RUBCNL: variants seen among roughly 807,000 people sequenced by gnomAD.
RUBCNL encodes protein associated with UVRAG as autophagy enhancer.
A neutral mutation model predicts 69.5 loss-of-function variants in RUBCNL; 62 were observed. The ratio of observed to expected loss-of-function variants is 0.89; its 90% confidence interval spans 0.73 to 1.10. The LOEUF (loss-of-function observed/expected upper bound fraction) is 1.10, where lower values mean the gene tolerates loss of function less well. Ranked by LOEUF, RUBCNL falls within the 50% of genes least tolerant of loss-of-function variation. The pLI, the probability that RUBCNL is intolerant of heterozygous loss-of-function variation, is 0.00. For synonymous variants in RUBCNL, 291 were observed against 303.6 expected (o/e 0.96, Z 0.43); for missense variants, 768 against 798.1 (o/e 0.96, Z 0.45).
rs2048116241 is a variant in RUBCNL, at chr13:46,338,169, C to T, written c.*5216G>A. ...CAGAGCCCATGCAAGAGTACAAATA[C>T]AGGTCCACATGCCATATATCCAAGT... On this transcript the variant is annotated 3_prime_UTR_variant, in exon 15 of 15. Coordinates refer to ENST00000429979, the MANE Select transcript of RUBCNL (RefSeq NM_025113.5). 6.6e-6 allele frequency among the ~76,000 whole-genome samples: 1 copy of T among 152,212 alleles called. No individual in the cohort carries two copies. The highest frequency in any genetic ancestry group is 2.4e-5 in the African/African-American group (1 of 41,456).
chr13:46,382,749 C>T (rs1297540536), intron 1 of RUBCNL, among the ~76,000 whole-genome samples: 1 of 151,996 alleles, frequency 6.6e-6, no homozygotes, highest in Non-Finnish European at 1.5e-5. Flanking sequence ...GTTGGCCAGG[C>T]TAGTCTCGAT....
In RUBCNL at chr13:46,379,093, T is replaced by C. The variant is rs539843478; in HGVS notation, c.-238-1088A>G. Among the ~76,000 whole-genome samples the C allele has an allele frequency of 5.2e-4, 79 of 152,276 alleles. No homozygotes were observed. In the Middle Eastern group the frequency reaches 0.01, roughly 20 times the overall value. On this transcript the variant is annotated intron_variant, in intron 1 of 14. Transcript: ENST00000429979. ...ATCTATGAGGGCCCTTTTATTTTTA[T>C]TTATTTATTTTTTTGAGACAGAGTT...
At chr13:46,345,350 C>A in intron 13 of RUBCNL, 97 bp downstream of exon 13, 2 of 1,406,882 alleles carry the variant, frequency 1.4e-6, no homozygotes, top group Non-Finnish European at 1.9e-6. Context: ...ACCGGCACTT[C>A]CCTCAGGGTT....
intron 2 of RUBCNL, among the ~76,000 whole-genome samples, chr13:46,376,346 C>T (rs1305531674): frequency 6.6e-6 from 1 of 151,978 alleles, no homozygotes; most frequent in African/African-American, 2.4e-5. Flanking sequence ...TTGTATATAA[C>T]ATATATTAAT....
intron 10 of RUBCNL, among the ~76,000 whole-genome samples, chr13:46,352,570 C>T (rs755220265): frequency 5.3e-5 from 8 of 151,316 alleles, no homozygotes; most frequent in Non-Finnish European, 1.0e-4. Context: ...TTTGGGAGGC[C>T]GAGGTGGGCA....
chr13:46,360,027 T>C (rs1447938475), intron 8 of RUBCNL, among the ~76,000 whole-genome samples: 1 of 152,166 alleles, frequency 6.6e-6, no homozygotes, highest in Non-Finnish European at 1.5e-5. Flanking sequence ...ATTAAGACCT[T>C]TCCCCTTGCT....
chr13:46,387,750 C>T (rs1429603064), upstream of RUBCNL: 1 of 985,522 alleles, frequency 1.0e-6, no homozygotes, highest in Non-Finnish European at 1.2e-6. Flanking sequence ...TCATGTAGCA[C>T]TTCACTGTCC....
In RUBCNL at chr13:46,340,787, A is replaced by T. The variant is rs1055574738; in HGVS notation, c.*2598T>A. On this transcript the variant is annotated 3_prime_UTR_variant, in exon 15 of 15. Transcript: ENST00000429979. The stretch of plus-strand genomic sequence containing the variant: ...GCAGGGAGGTGCCAGGCTTCATAAC[A>T]ACCAGCTCTCATGGGAACTAAGAGT... Among the ~76,000 whole-genome samples the T allele has an allele frequency of 6.6e-6, 1 of 152,116 alleles. No homozygotes were observed. Among genetic ancestry groups the T allele is most frequent in the Admixed American group, 6.6e-5 (1 of 15,260 alleles).
intron 10 of RUBCNL, among the ~76,000 whole-genome samples, chr13:46,351,426 A>C (rs1186347677): frequency 3.3e-5 from 5 of 152,210 alleles, no homozygotes; most frequent in Admixed American, 2.0e-4. Context: ...ATTTGTAGGA[A>C]GACATTTTTG....
Position 46,345,466 on chromosome 13 carries a change from G to GC in RUBCNL, c.1765dup (p.Ala589GlyfsTer7). The GC allele has an allele frequency of 6.4e-7, 1 of 1,567,976 alleles. No individual in the cohort carries two copies. Among genetic ancestry groups the GC allele is most frequent in the Non-Finnish European group, 8.6e-7 (1 of 1,156,674 alleles). On this transcript the variant is annotated frameshift_variant, in exon 13 of 15. Coordinates refer to ENST00000429979, the MANE Select transcript of RUBCNL (RefSeq NM_025113.5). LOFTEE classifies it high-confidence loss of function. The stretch of plus-strand genomic sequence containing the variant: ...CCTCACCTCACAGCCAGCCACATGT[G>GC]CAAGGGAAGCTTTCAGAATGTCCTT...
chr13:46,353,232 T>C (rs2048409856), intron 10 of RUBCNL, among the ~76,000 whole-genome samples: 1 of 152,218 alleles, frequency 6.6e-6, no homozygotes, highest in South Asian at 2.1e-4. Flanking sequence ...GAGTTGTTTT[T>C]TGTTATTCAT....
At chr13:46,357,311 CG>C (rs1594147954) in intron 9 of RUBCNL, among the ~76,000 whole-genome samples, 1 of 129,836 alleles carries the variant, frequency 7.7e-6, no homozygotes, top group East Asian at 2.4e-4. Flanking sequence ...CCAGCCTGGG[CG>C]ATAGAGTGAG....
chr13:46,335,271 T>TG lies in RUBCNL; in HGVS notation c.*8113_*8114insC, dbSNP rs1566533035. 2.0e-4 allele frequency among the ~76,000 whole-genome samples: 28 copies of TG among 140,320 alleles called. No individual in the cohort carries two copies. Among genetic ancestry groups the TG allele is most frequent in the African/African-American group, 7.0e-4 (27 of 38,416 alleles). The allele number at this position is 140,320 out of a possible 152,430, so 92.1% of individuals were successfully genotyped here. A position where few individuals can be genotyped will look rare whatever the true frequency, so the allele number is the denominator to read the frequency against. ...TTGTTGTTGTTGTTGTTTTTTTTTT[T>TG]TTTTTTTTTTTTTTAAGAGACAGGG... On this transcript the variant is annotated 3_prime_UTR_variant, in exon 15 of 15. Transcript: ENST00000429979.
At position 46,342,534 on chromosome 13, in the gene RUBCNL, AAT is replaced by A. The variant is rs1417314932; in HGVS notation, c.*849_*850del. On this transcript the variant is annotated 3_prime_UTR_variant, in exon 15 of 15. Transcript: ENST00000429979. ...TGTGATTCATTTAACCTTATTAGTC[AAT>A]GTCTATGATTTTAATGTTATTACTA... 3 of 152,218 alleles carry A rather than the reference AAT, an allele frequency of 2.0e-5. No homozygotes were observed. Among genetic ancestry groups the A allele is most frequent in the African/African-American group, 7.2e-5 (3 of 41,458 alleles). 9.4% of individuals were successfully genotyped at this position (152,218 alleles called of 1,614,324 possible). A position where few individuals can be genotyped will look rare whatever the true frequency, so the allele number is the denominator to read the frequency against.
intron 10 of RUBCNL, among the ~76,000 whole-genome samples, chr13:46,351,321 T>C (rs1046296525): frequency 1.3e-5 from 2 of 152,056 alleles, no homozygotes; most frequent in East Asian, 1.9e-4. Context: ...AAAAGTGAGA[T>C]ACTCTGTTTT....
chr13:46,357,937 A>C (rs1016734080), intron 9 of RUBCNL, among the ~76,000 whole-genome samples: 1 of 152,052 alleles, frequency 6.6e-6, no homozygotes, highest in Non-Finnish European at 1.5e-5. Flanking sequence ...GGCCTGAGGG[A>C]TTTTCTATTG....
chr13:46,385,659 G>T (rs944270569), intron 1 of RUBCNL, among the ~76,000 whole-genome samples: 6 of 128,150 alleles, frequency 4.7e-5, no homozygotes, highest in African/African-American at 1.9e-4. Flanking sequence ...ATCCTCTAAA[G>T]ATCATGCAAA....
upstream of RUBCNL, chr13:46,387,416 G>A (rs2049276924): frequency 1.0e-6 from 1 of 985,352 alleles, no homozygotes; most frequent in South Asian, 4.7e-5. Flanking sequence ...AAACTCTGGA[G>A]ATGCGCGCTC....
Position 46,343,151 on chromosome 13 carries a change from C to T in RUBCNL, c.*234G>A, listed in dbSNP as rs2048170204. ...AAGTATAAAAAACCTCTTTAAAAAACCAATAGCAGCCAAAACAGAACATTT... is the reference window on the plus strand; with the variant it reads ...AAGTATAAAAAACCTCTTTAAAAAATCAATAGCAGCCAAAACAGAACATTT... On this transcript the variant is annotated 3_prime_UTR_variant, in exon 15 of 15. Transcript: ENST00000429979. 4.7e-6 allele frequency: 3 copies of T among 636,644 alleles called. No homozygotes were observed. The highest frequency in any genetic ancestry group is 4.3e-4 in the Middle Eastern group (1 of 2,308). 39.4% of individuals were successfully genotyped at this position (636,644 alleles called of 1,614,324 possible). A position where few individuals can be genotyped will look rare whatever the true frequency, so the allele number is the denominator to read the frequency against.
Sources: gnomAD v4.1 joint callset for allele counts (sites outside exome capture counted in the v4.1 genomes callset) on GRCh38, gnomAD v4.1.1 for gene constraint, MANE v1.5 for transcripts, NCBI Gene and HGNC (gene_info 2026-07-23, HGNC 2026-07-21) for gene names.